TESPA1: variants seen among roughly 807,000 people sequenced by gnomAD.
The protein encoded by TESPA1 is thymocyte expressed, positive selection associated 1.
In TESPA1, 33 loss-of-function variants were observed where a neutral mutation model predicts 57.9. That is an observed-to-expected ratio of 0.57 (90% CI 0.43 to 0.76). The LOEUF (loss-of-function observed/expected upper bound fraction) is 0.76, where lower values mean the gene tolerates loss of function less well. Among genes scored for constraint, TESPA1 ranks in the 30% least tolerant of loss-of-function variants. The pLI is 0.00. For missense variants in TESPA1, 618 were observed against 632.9 expected, an observed-to-expected ratio of 0.98 and a Z score of 0.25; for synonymous variants, 227 against 228.9, an observed-to-expected ratio of 0.99 and a Z score of 0.07.
intron 5 of TESPA1, among the ~76,000 whole-genome samples, 166 bp from the exon 6 acceptor site, chr12:54,966,590 AAC>A (rs1284989228): frequency 6.6e-6 from 1 of 152,176 alleles, no homozygotes; most frequent in Non-Finnish European, 1.5e-5. Flanking sequence ...AAGATTACCT[AAC>A]ACAGTTCTGG....
intron 1 of TESPA1, among the ~76,000 whole-genome samples, chr12:54,976,726 G>A (rs1474582905): frequency 6.6e-6 from 1 of 152,138 alleles, no homozygotes; most frequent in African/African-American, 2.4e-5. Context: ...GCTATTTTAT[G>A]TCAAGCCCCT....
chr12:54,969,828 C>T lies in TESPA1; in HGVS notation c.207-1936G>A, dbSNP rs190871694. 4.8e-4 allele frequency among the ~76,000 whole-genome samples: 73 copies of T among 152,268 alleles called. 1 individual carries two copies. The highest frequency in any genetic ancestry group is 1.6e-3 in the Admixed American group (25 of 15,300). ...CTTGGAAGCAGGATAGTGAACGAAA[C>T]GGACGGAAAGGAGGCATTTGGAATG... On this transcript the variant is annotated intron_variant, in intron 3 of 10. Transcript: ENST00000449076.
At chr12:54,950,430 T>A (rs996983739) in intron 10 of TESPA1, 40 bp from the exon 11 acceptor site, 3 of 432,112 alleles carry the variant, frequency 6.9e-6, no homozygotes, top group Non-Finnish European at 1.4e-5. Context: ...ATGCATTTTT[T>A]AAACAACTTT....
At chr12:54,954,508 G>C (rs893632808) in intron 10 of TESPA1, among the ~76,000 whole-genome samples, 1 of 152,150 alleles carries the variant, frequency 6.6e-6, no homozygotes, top group African/African-American at 2.4e-5. Context: ...GGATCACCAA[G>C]ATTACTTCCA....
intron 1 of TESPA1, among the ~76,000 whole-genome samples, chr12:54,980,052 A>G (rs1592429470): frequency 6.6e-6 from 1 of 152,332 alleles, no homozygotes; most frequent in Non-Finnish European, 1.5e-5. Flanking sequence ...TTTAAACTCA[A>G]GTTGGTCTGA....
chr12:54,974,247 T>C (rs1320017202), intron 2 of TESPA1, among the ~76,000 whole-genome samples, 153 bp downstream of exon 2: 2 of 152,232 alleles, frequency 1.3e-5, no homozygotes, highest in African/African-American at 4.8e-5. Flanking sequence ...CGTATTACTT[T>C]AGCTTTTCTC....
chr12:54,963,169 C>G lies in TESPA1; in HGVS notation c.729G>C (p.Lys243Asn). ...AFFCLYSYVS[K>N]TPVQKFTPSH... ...ATGGTGTGAACTTTTGGACAGGTGT[C>G]TTAGACACATAGGAGTAGAGACAGA... The change falls in exon 9 of 11, where the codon AAG becomes AAC. Residue 243 changes from lysine to asparagine, a missense_variant. By Grantham distance (94) the Lys-to-Asn change is moderately conservative. Around this residue, in one of 3 missense-constraint regions of TESPA1, gnomAD observed 409 missense variants for 420.1 expected, o/e 0.97. Coordinates refer to ENST00000449076, the MANE Select transcript of TESPA1 (RefSeq NM_001136030.3). 1 of 1,613,826 alleles carries G rather than the reference C, an allele frequency of 6.2e-7. No homozygotes were observed. The highest frequency in any genetic ancestry group is 8.5e-7 in the Non-Finnish European group (1 of 1,179,864).
intron 9 of TESPA1, 110 bp downstream of exon 9, chr12:54,962,321 G>T (rs1951128039): frequency 7.8e-7 from 1 of 1,275,694 alleles, no homozygotes; most frequent in Non-Finnish European, 1.1e-6. Flanking sequence ...TATCTGGCTA[G>T]GACAGGAAGC....
intron 7 of TESPA1, 90 bp from the exon 8 acceptor site, chr12:54,964,040 A>G: frequency 1.5e-6 from 2 of 1,339,060 alleles, no homozygotes; most frequent in Non-Finnish European, 2.1e-6. Flanking sequence ...GTGTCAGAAG[A>G]CTGAAATTCT....
intron 1 of TESPA1, among the ~76,000 whole-genome samples, chr12:54,978,368 A>C (rs1952205653): frequency 6.6e-6 from 1 of 152,120 alleles, no homozygotes; most frequent in African/African-American, 2.4e-5. Flanking sequence ...TAGGAAAGGG[A>C]TTGGCTGGAC....
chr12:54,958,908 A>T (rs2136072780), intron 10 of TESPA1, among the ~76,000 whole-genome samples: 1 of 152,196 alleles, frequency 6.6e-6, no homozygotes, highest in African/African-American at 2.4e-5. Flanking sequence ...TTGCGCACAG[A>T]CTACTTTATC....
chr12:54,959,999 C>G (rs1213342854), intron 10 of TESPA1, among the ~76,000 whole-genome samples: 1 of 152,106 alleles, frequency 6.6e-6, no homozygotes, highest in African/African-American at 2.4e-5. Flanking sequence ...AGAATTAAAA[C>G]AGTTAGAATT....
At chr12:54,982,904 C>A (rs1952373852) in intron 1 of TESPA1, among the ~76,000 whole-genome samples, 1 of 152,164 alleles carries the variant, frequency 6.6e-6, no homozygotes, top group Admixed American at 6.5e-5. Context: ...GAACTCTTTT[C>A]TCAATCTGAA....
chr12:54,958,072 A>G (rs1422081255), intron 10 of TESPA1, among the ~76,000 whole-genome samples: 1 of 152,214 alleles, frequency 6.6e-6, no homozygotes, highest in Non-Finnish European at 1.5e-5. Flanking sequence ...CTCCCTAGCA[A>G]TTCAATTCTG....
intron 3 of TESPA1, among the ~76,000 whole-genome samples, chr12:54,969,003 C>T (rs11171198): frequency 0.066 from 7,208 of 108,430 alleles, 550 homozygotes; most frequent in East Asian, 0.4. Context: ...CAAAATAAGT[C>T]ACTACATATT....
intron 1 of TESPA1, among the ~76,000 whole-genome samples, chr12:54,975,035 C>T (rs747983493): frequency 6.6e-6 from 1 of 152,160 alleles, no homozygotes; most frequent in Non-Finnish European, 1.5e-5. Context: ...TTTTAATCCT[C>T]ATCAAGACAT....
intron 3 of TESPA1, 48 bp downstream of exon 3, chr12:54,973,429 A>G (rs757805089): frequency 2.5e-6 from 4 of 1,612,768 alleles, no homozygotes; most frequent in African/African-American, 2.7e-5. Flanking sequence ...TCTGTTAGCA[A>G]ATTCAACCAT....
chr12:54,978,185 T>G (rs1952200741), intron 1 of TESPA1, among the ~76,000 whole-genome samples: 1 of 152,150 alleles, frequency 6.6e-6, no homozygotes, highest in South Asian at 2.1e-4. Flanking sequence ...TATGGAGATG[T>G]TTCCTCCAAA....
rs1952426887 is a variant in TESPA1 at position 54,984,504 on chromosome 12, T to TCCC, written c.-46+80_-46+81insGGG. 3.9e-5 allele frequency: 6 copies of TCCC among 152,362 alleles called. No homozygotes were observed. The South Asian group carries it at 1.2e-3, about 32-fold the overall frequency. The allele number at this position is 152,362 out of a possible 1,614,324, so 9.4% of individuals were successfully genotyped here. On this transcript the variant is annotated intron_variant, in intron 1 of 10. Transcript: ENST00000449076. ...TTCCCTTGACTTGACAGCCTGATTTTTCTCTGACATGTTTCCTTCTTTCTC... is the reference window on the plus strand; with the variant it reads ...TTCCCTTGACTTGACAGCCTGATTTTCCCTCTCTGACATGTTTCCTTCTTTCTC...
Sources: gnomAD v4.1 joint callset for allele counts (sites outside exome capture counted in the v4.1 genomes callset) on GRCh38, gnomAD v4.1.1 for gene constraint, gnomAD v4.1.1 regional missense constraint, MANE v1.5 for transcripts, NCBI Gene and HGNC (gene_info 2026-07-23, HGNC 2026-07-21) for gene names.